Variants in SLC22A25 observed in about 807,000 individuals in gnomAD.
SLC22A25 encodes the protein solute carrier family 22 member 25.
Under a neutral mutation model 45.9 loss-of-function variants are expected in SLC22A25, and 44 were observed. The observed-to-expected ratio is 0.96, with a 90% confidence interval of 0.75 to 1.23. The LOEUF is 1.23. Ranked by LOEUF, SLC22A25 falls within the 50% of genes most tolerant of loss-of-function variation. The pLI is 0.00. For synonymous variants in SLC22A25, 283 were observed against 238.6 expected, an observed-to-expected ratio of 1.19 and a Z score of -1.72; for missense variants, 800 against 666.4, an observed-to-expected ratio of 1.20 and a Z score of -2.21.
At chr11:63,164,203 A>C in intron 11 of SLC22A25, 130 bp from the exon 12 acceptor site, 1 of 1,263,690 alleles carries the variant, frequency 7.9e-7, no homozygotes, top group Non-Finnish European at 1.1e-6. Flanking sequence ...TTGCTTTTGA[A>C]ATTTTCTCTT....
chr11:63,235,230 G>A (rs1180398258), intron 3 of SLC22A25, among the ~76,000 whole-genome samples: 1 of 152,182 alleles, frequency 6.6e-6, no homozygotes, highest in Non-Finnish European at 1.5e-5. Flanking sequence ...ATAATTTCCT[G>A]CAGAGTGTTT....
At chr11:63,209,571 T>C (rs1360115788) in intron 7 of SLC22A25, among the ~76,000 whole-genome samples, 1 of 152,148 alleles carries the variant, frequency 6.6e-6, no homozygotes, top group Non-Finnish European at 1.5e-5. Flanking sequence ...TGGGCACCTC[T>C]GCTCAGGCGA....
chr11:63,158,790 TTAAG>T lies in SLC22A25; in HGVS notation c.*5030_*5033del, dbSNP rs1161781855. On this transcript the variant is annotated 3_prime_UTR_variant, in exon 12 of 12. Coordinates refer to ENST00000306494, the MANE Select transcript of SLC22A25 (RefSeq NM_199352.6). ...ACTTTTTTAGTTATTTAAAAATGAA[TTAAG>T]TTATTATTGACTATAGTCATCCTGT... 2.0e-5 allele frequency among the ~76,000 whole-genome samples: 3 copies of T among 152,214 alleles called. No individual in the cohort carries two copies. The highest frequency in any genetic ancestry group is 7.2e-5 in the African/African-American group (3 of 41,460).
At chr11:63,214,722 C>G (rs2089666219) in intron 7 of SLC22A25, among the ~76,000 whole-genome samples, 1 of 151,796 alleles carries the variant, frequency 6.6e-6, no homozygotes, top group African/African-American at 2.4e-5. Context: ...TATGCTTCCC[C>G]CTGCACAGAT....
intron 7 of SLC22A25, among the ~76,000 whole-genome samples, chr11:63,195,431 G>C (rs1175118310): frequency 6.6e-6 from 1 of 152,102 alleles, no homozygotes; most frequent in African/African-American, 2.4e-5. Context: ...AATCAAATTA[G>C]AACTCAGGAT....
chr11:63,164,670 T>C, intron 10 of SLC22A25, 36 bp from the exon 11 acceptor site: 1 of 1,532,874 alleles, frequency 6.5e-7, no homozygotes, highest in Non-Finnish European at 9.0e-7. Flanking sequence ...TCAGGAAATC[T>C]GAGCTGAAGG....
chr11:63,226,210 TG>T (rs1056396076), intron 5 of SLC22A25, among the ~76,000 whole-genome samples: 1 of 152,172 alleles, frequency 6.6e-6, no homozygotes, highest in Non-Finnish European at 1.5e-5. Flanking sequence ...GGATGCTTTT[TG>T]GTGCCTGGGC....
intron 3 of SLC22A25, among the ~76,000 whole-genome samples, chr11:63,235,607 G>C (rs1300328275): frequency 2.0e-5 from 3 of 152,094 alleles, no homozygotes; most frequent in Admixed American, 6.5e-5. Flanking sequence ...CTTTAGCTCA[G>C]AGTAGTTTGA....
chr11:63,239,825 G>A (rs946511263), intron 1 of SLC22A25, among the ~76,000 whole-genome samples: 8 of 152,116 alleles, frequency 5.3e-5, no homozygotes, highest in Non-Finnish European at 8.8e-5. Context: ...GAAACTTTTC[G>A]GGGCTCGTTC....
At chr11:63,235,644 C>G (rs1208350865) in intron 3 of SLC22A25, among the ~76,000 whole-genome samples, 4 of 152,186 alleles carry the variant, frequency 2.6e-5, no homozygotes, top group Non-Finnish European at 2.9e-5. Context: ...TCTCTCAAGT[C>G]ATTGAAGTCA....
rs2089376977 is a variant in SLC22A25, at chr11:63,205,533, C to T, written c.830+11781G>A. On this transcript the variant is annotated intron_variant, in intron 7 of 11. Coordinates refer to ENST00000306494, the MANE Select transcript of SLC22A25 (RefSeq NM_199352.6). ...ACAGAATATTATAAACAACCCTATG[C>T]AAATGAAGTAGAAAATCTAGATGAA... 2.0e-5 allele frequency among the ~76,000 whole-genome samples: 3 copies of T among 152,126 alleles called. 1 individual carries two copies. The highest frequency in any genetic ancestry group is 4.2e-4 in the South Asian group (2 of 4,818).
intron 9 of SLC22A25, among the ~76,000 whole-genome samples, chr11:63,176,214 T>C (rs996272972): frequency 6.6e-6 from 1 of 152,078 alleles, no homozygotes; most frequent in Non-Finnish European, 1.5e-5. Flanking sequence ...ATTTGTATGG[T>C]TCCCATAGGA....
rs1420083834 is a variant in SLC22A25 at position 63,161,082 on chromosome 11, G to A, written c.*2742C>T. ...AGGTTTAATGGACTCACAGCTCCAT[G>A]TGGCTGGTGAGGCCTCACAATCATG... is the stretch of plus-strand genomic sequence containing the variant. On this transcript the variant is annotated 3_prime_UTR_variant, in exon 12 of 12. Coordinates refer to ENST00000306494, the MANE Select transcript of SLC22A25 (RefSeq NM_199352.6). Among the ~76,000 whole-genome samples the A allele has an allele frequency of 3.9e-5, 6 of 152,196 alleles. No homozygotes were observed. Among genetic ancestry groups the A allele is most frequent in the African/African-American group, 1.4e-4 (6 of 41,454 alleles).
In SLC22A25 at chr11:63,237,371, C is replaced by T. The variant is rs549924837; in HGVS notation, c.-445+510G>A. ...GAGGTGAATAGGTTCATGTGGATAT[C>T]GCGGAGGTGGGTTATTGCAGGAGGG... On this transcript the variant is annotated intron_variant, in intron 3 of 11. Coordinates refer to ENST00000306494, the MANE Select transcript of SLC22A25 (RefSeq NM_199352.6). 7.2e-5 allele frequency among the ~76,000 whole-genome samples: 11 copies of T among 152,154 alleles called. No individual in the cohort carries two copies. The South Asian group carries it at 1.5e-3, about 20-fold the overall frequency.
At chr11:63,209,980 C>T (rs1294926601) in intron 7 of SLC22A25, among the ~76,000 whole-genome samples, 5 of 152,138 alleles carry the variant, frequency 3.3e-5, no homozygotes, top group Non-Finnish European at 5.9e-5. Context: ...TATAGAAAGG[C>T]ACTCCCAAAT....
intron 5 of SLC22A25, among the ~76,000 whole-genome samples, chr11:63,222,854 A>AT (rs1351154780): frequency 6.6e-6 from 1 of 151,340 alleles, no homozygotes; most frequent in African/African-American, 2.4e-5. Context: ...GTTTAATTTT[A>AT]TCAAATGTTT....
chr11:63,168,897 A>G (rs1016439222), intron 9 of SLC22A25, among the ~76,000 whole-genome samples: 4 of 152,122 alleles, frequency 2.6e-5, no homozygotes, highest in Non-Finnish European at 5.9e-5. Context: ...GAAGGAAAAA[A>G]ATGTTAAGGG....
intron 7 of SLC22A25, among the ~76,000 whole-genome samples, chr11:63,185,643 C>G (rs569764514): frequency 0.015 from 2,218 of 146,072 alleles, 30 homozygotes; most frequent in Middle Eastern, 0.048. Flanking sequence ...GCTGCACCCA[C>G]TAACTCGTCA....
intron 3 of SLC22A25, among the ~76,000 whole-genome samples, chr11:63,233,292 A>G (rs774149135): frequency 5.9e-5 from 9 of 152,172 alleles, no homozygotes; most frequent in Non-Finnish European, 1.3e-4. Flanking sequence ...TAAGCTATAA[A>G]TTATTGCCTC....
Sources: allele counts gnomAD v4.1 joint callset (sites outside exome capture counted in the v4.1 genomes callset), GRCh38; gene constraint gnomAD v4.1.1; transcripts MANE v1.5; gene names NCBI Gene and HGNC (gene_info 2026-07-23, HGNC 2026-07-21).